The following MAK variants were observed in gnomAD, a reference collection of about 807,000 sequenced individuals.
The protein encoded by MAK is male germ cell associated kinase.
MAK carries 65 observed loss-of-function variants against 82.6 expected under a neutral mutation model. The ratio of observed to expected loss-of-function variants is 0.79; its 90% CI spans 0.64 to 0.97. The LOEUF is 0.97. Ranked by LOEUF, MAK falls within the 50% of genes least tolerant of loss-of-function variation. The probability of loss-of-function intolerance (pLI) is 0.00; values close to 1 mark genes in which losing one functional copy is unlikely to be tolerated. For synonymous variants in MAK, 250 were observed against 274.2 expected, an observed-to-expected ratio of 0.91 and a Z score of 0.87; for missense variants, 703 against 780.2, an observed-to-expected ratio of 0.90 and a Z score of 1.18.
intron 9 of MAK, among the ~76,000 whole-genome samples, chr6:10,795,657 T>C (rs550264173): frequency 6.7e-6 from 1 of 149,364 alleles, no homozygotes; most frequent in African/African-American, 2.5e-5. Flanking sequence ...GGCAGGAGAA[T>C]CGCTTGAACC....
At chr6:10,790,650 C>T (rs1380757659) in intron 10 of MAK, among the ~76,000 whole-genome samples, 1 of 152,182 alleles carries the variant, frequency 6.6e-6, no homozygotes, top group African/African-American at 2.4e-5. Flanking sequence ...GCACGTGGTG[C>T]TCTACTTCCT....
chr6:10,802,321 T>C, intron 7 of MAK: 1 of 404,420 alleles, frequency 2.5e-6, no homozygotes, highest in Admixed American at 4.1e-5. Context: ...TTGTGTTTTT[T>C]TTGAGACAGG....
intron 11 of MAK, among the ~76,000 whole-genome samples, chr6:10,777,408 C>CAA (rs57082378): frequency 1.5e-5 from 2 of 137,774 alleles, no homozygotes; most frequent in Non-Finnish European, 3.2e-5. Flanking sequence ...AAGACTGTCA[C>CAA]AAAAAAAAAA....
At position 10,779,127 on chromosome 6, in the gene MAK, C is replaced by CAAAA. The variant is rs918122203; in HGVS notation, c.1466-3672_1466-3669dup. Among the ~76,000 whole-genome samples, 104 of 20,002 alleles carry CAAAA rather than the reference C, an allele frequency of 5.2e-3. 11 individuals are homozygous for CAAAA. The highest frequency in any genetic ancestry group is 0.015 in the African/African-American group (99 of 6,394). 13.1% of individuals were successfully genotyped at this position (20,002 alleles called of 152,430 possible). On this transcript the variant is annotated intron_variant, in intron 11 of 14. Transcript: ENST00000354489. ...TGGGCAACACAGCAACACTTCGTCT[C>CAAAA]AAAAAAAAAAAAAAAAAAAAAAAAA...
intron 2 of MAK, among the ~76,000 whole-genome samples, chr6:10,823,809 C>T (rs1778143230): frequency 6.6e-6 from 1 of 152,098 alleles, no homozygotes. Context: ...GGATTACAGG[C>T]ATCAGCCACC....
chr6:10,812,378 C>CT (rs139084912), intron 5 of MAK, among the ~76,000 whole-genome samples: 1,944 of 152,120 alleles, frequency 0.013, 43 homozygotes, highest in African/African-American at 0.045. Flanking sequence ...ATCATATTAA[C>CT]TTTTTGGACT....
intron 14 of MAK, among the ~76,000 whole-genome samples, chr6:10,767,351 T>C (rs1343802767): frequency 6.6e-6 from 1 of 152,148 alleles, no homozygotes; most frequent in Non-Finnish European, 1.5e-5. Context: ...CACAGAGTGC[T>C]TAAAACAGGA....
At chr6:10,778,910 T>C (rs1379405887) in intron 11 of MAK, among the ~76,000 whole-genome samples, 5 of 151,762 alleles carry the variant, frequency 3.3e-5, no homozygotes, top group African/African-American at 1.2e-4. Context: ...GGCGGATCAC[T>C]TGAGGTCAGG....
chr6:10,780,702 C>G (rs1773886879), intron 11 of MAK, among the ~76,000 whole-genome samples: 1 of 151,972 alleles, frequency 6.6e-6, no homozygotes, highest in South Asian at 2.1e-4. Context: ...ATCCACCCGC[C>G]TTAGCCTCCC....
At chr6:10,765,440 A>ATTTTTTTTTTTTTT (rs200536068) in intron 14 of MAK, among the ~76,000 whole-genome samples, 6 of 130,616 alleles carry the variant, frequency 4.6e-5, no homozygotes, top group African/African-American at 2.0e-4. Flanking sequence ...TAGAATGAAG[A>ATTTTTTTTTTTTTT]TTTTTTTTTT....
intron 14 of MAK, among the ~76,000 whole-genome samples, chr6:10,768,114 A>G (rs1264489514): frequency 6.6e-6 from 1 of 152,336 alleles, no homozygotes; most frequent in East Asian, 1.9e-4. Flanking sequence ...TTTACTTAAA[A>G]AAAATGAAAA....
At chr6:10,803,373 CCTCTCTA>C (rs1467370338) in intron 7 of MAK, among the ~76,000 whole-genome samples, 1 of 151,880 alleles carries the variant, frequency 6.6e-6, no homozygotes, top group Non-Finnish European at 1.5e-5. Flanking sequence ...GGTGAAATCT[CCTCTCTA>C]CTAACAATAG....
In MAK at chr6:10,784,449, G is replaced by A; in HGVS notation, c.1440C>T (p.Tyr480=). ...CTGGAAGATATCTTGATTGTTTCAA[G>A]TAGTACTGTTTAGAGGTTGGAGCAG... ...LSTAPTSKQY[Y]LKQSRYLPGV... is the part of the protein sequence containing the mutation. The change falls in exon 11 of 15, where the codon TAC becomes TAT. Residue 480 remains tyrosine (Y), a synonymous_variant. Coordinates refer to ENST00000354489, the MANE Select transcript of MAK (RefSeq NM_001242957.3). 1 of 1,614,132 alleles carries A rather than the reference G, an allele frequency of 6.2e-7. No homozygotes were observed. The highest frequency in any genetic ancestry group is 8.5e-7 in the Non-Finnish European group (1 of 1,180,008).
rs529630700 is a variant in MAK at position 10,763,256 on chromosome 6, G to A, written c.*1196C>T. 1 of 152,636 alleles carries A rather than the reference G, an allele frequency of 6.6e-6. No individual in the cohort carries two copies. The highest frequency in any genetic ancestry group is 2.1e-4 in the South Asian group (1 of 4,830). The allele number at this position is 152,636 out of a possible 1,614,324, so 9.5% of individuals were successfully genotyped here. On this transcript the variant is annotated 3_prime_UTR_variant, in exon 15 of 15. Coordinates refer to ENST00000354489, the MANE Select transcript of MAK (RefSeq NM_001242957.3). Reference sequence around the variant, plus strand: ...AGTGGTCAGCAGCATGAGCTGGCTTGGGGGAACCAGCTGGCACACTTCATC... The same window carrying A: ...AGTGGTCAGCAGCATGAGCTGGCTTAGGGGAACCAGCTGGCACACTTCATC...
At chr6:10,798,304 A>G (rs1019398400) in intron 8 of MAK, among the ~76,000 whole-genome samples, 29 of 151,798 alleles carry the variant, frequency 1.9e-4, no homozygotes, top group Admixed American at 1.3e-3. Context: ...TAATAGAGAC[A>G]GGGTTTCACC....
chr6:10,819,834 C>T (rs922735494), intron 2 of MAK, among the ~76,000 whole-genome samples: 1 of 151,792 alleles, frequency 6.6e-6, no homozygotes, highest in Non-Finnish European at 1.5e-5. Context: ...GATTCATGGC[C>T]GGGCGCGGTG....
chr6:10,781,780 GAT>G (rs1773990765), intron 11 of MAK, among the ~76,000 whole-genome samples: 2 of 152,056 alleles, frequency 1.3e-5, no homozygotes, highest in Admixed American at 1.3e-4. Flanking sequence ...CTACCAATAA[GAT>G]ATGTATACAT....
At position 10,808,799 on chromosome 6, in the gene MAK, C is replaced by T; in HGVS notation, c.491+11G>A. The T allele has an allele frequency of 1.9e-6, 3 of 1,613,484 alleles. No individual in the cohort carries two copies. The highest frequency in any genetic ancestry group is 2.5e-6 in the Non-Finnish European group (3 of 1,179,552). On this transcript the variant is annotated intron_variant, in intron 6 of 14. Coordinates refer to ENST00000354489, the MANE Select transcript of MAK (RefSeq NM_001242957.3). ...CTTATGCCTCAGGAGGGCTGCATAA[C>T]CCCTACTCACCATCTGGTAGATACA...
At chr6:10,817,489 A>C (rs1042411581) in intron 4 of MAK, among the ~76,000 whole-genome samples, 1 of 152,170 alleles carries the variant, frequency 6.6e-6, no homozygotes, top group Non-Finnish European at 1.5e-5. Flanking sequence ...TCTTTCATTA[A>C]CCTTCACAAG....
Sources: allele counts gnomAD v4.1 joint callset (sites outside exome capture counted in the v4.1 genomes callset), GRCh38; gene constraint gnomAD v4.1.1; transcripts MANE v1.5; gene names NCBI Gene and HGNC (gene_info 2026-07-23, HGNC 2026-07-21).